The following DHX8 variants were observed in gnomAD, a reference collection of about 807,000 sequenced individuals.
The protein encoded by DHX8 is ATP-dependent RNA helicase DHX8.
Under a neutral mutation model 140.7 loss-of-function variants are expected in DHX8, and 67 were observed. The ratio of observed to expected loss-of-function variants is 0.48; its 90% CI spans 0.39 to 0.58. DHX8 has a LOEUF of 0.58. Ranked by LOEUF, DHX8 falls within the 20% of genes least tolerant of loss-of-function variation. DHX8 has a pLI of 0.00. For synonymous variants in DHX8, 533 were observed against 553.2 expected, an observed-to-expected ratio of 0.96 and a Z score of 0.51; for missense variants, 887 against 1,550.7, an observed-to-expected ratio of 0.57 and a Z score of 7.19.
chr17:43,542,888 C>G (rs567631211), intron 3 of DHX8, among the ~76,000 whole-genome samples: 2 of 152,232 alleles, frequency 1.3e-5, no homozygotes, highest in South Asian at 4.1e-4. Context: ...CCTCCTAATG[C>G]GTCCCACCAC....
At chr17:43,536,405 T>G (rs779373281) in intron 2 of DHX8, 3 of 1,611,374 alleles carry the variant, frequency 1.9e-6, no homozygotes, top group Non-Finnish European at 2.5e-6. Context: ...CTATACCCTC[T>G]CCCCAGGGAC....
At chr17:43,515,546 C>T (rs1970065708) in intron 17 of DHX8, among the ~76,000 whole-genome samples, 1 of 152,204 alleles carries the variant, frequency 6.6e-6, no homozygotes, top group Non-Finnish European at 1.5e-5. Context: ...TGACTTGGTG[C>T]ATTCTCGCAT....
intron 18 of DHX8, chr17:43,517,536 C>A: frequency 1.8e-6 from 1 of 546,482 alleles, no homozygotes; most frequent in Non-Finnish European, 3.2e-6. Flanking sequence ...TTTTTCTTAC[C>A]ATAACAACCA....
At chr17:43,528,401 G>A, downstream of DHX8, 1 of 698,786 alleles carries the variant, frequency 1.4e-6, no homozygotes, top group Non-Finnish European at 2.4e-6. Context: ...TGGTAGGACA[G>A]TGGGGATCTG....
chr17:43,526,690 C>A, downstream of DHX8: 1 of 1,508,748 alleles, frequency 6.6e-7, no homozygotes. Flanking sequence ...CCTCTCTCTT[C>A]GTGTGTGTAC....
chr17:43,528,814 T>A, downstream of DHX8: 1 of 1,247,694 alleles, frequency 8.0e-7, no homozygotes, highest in Non-Finnish European at 1.1e-6. Flanking sequence ...GGTGGGGGAG[T>A]GGGGAATGTG....
chr17:43,486,168 A>G (rs1968132055), intron 1 of DHX8, among the ~76,000 whole-genome samples: 1 of 151,792 alleles, frequency 6.6e-6, no homozygotes, highest in Non-Finnish European at 1.5e-5. Context: ...TCCAGCCTGG[A>G]CGAAAAGAGC....
At chr17:43,535,088 ACT>A (rs1464846811) in intron 2 of DHX8, among the ~76,000 whole-genome samples, 2 of 152,024 alleles carry the variant, frequency 1.3e-5, no homozygotes, top group Admixed American at 6.6e-5. Context: ...GGGTTCCCAA[ACT>A]CTGGCCACGA....
chr17:43,484,195 G>A lies in DHX8; in HGVS notation c.148+10G>A, dbSNP rs1406990728. ...AACGACAAGGACCTTGGTGAGCTCG[G>A]GGAGGTCCCTGGGACCTCAGTTTGG... On this transcript the variant is annotated intron_variant, in intron 1 of 22. Coordinates refer to ENST00000262415, the MANE Select transcript of DHX8 (RefSeq NM_004941.3). 1.2e-6 allele frequency: 2 copies of A among 1,611,976 alleles called. No individual in the cohort carries two copies. Among genetic ancestry groups the A allele is most frequent in the Admixed American group, 1.7e-5 (1 of 59,784 alleles).
downstream of DHX8, chr17:43,529,654 G>A (rs368239692): frequency 4.9e-5 from 79 of 1,612,928 alleles, no homozygotes; most frequent in South Asian, 1.4e-4. Context: ...GAAATGCACC[G>A]ACCCCTTCCT....
At chr17:43,528,498 AG>A (rs1567704103), downstream of DHX8, 2 of 1,522,802 alleles carry the variant, frequency 1.3e-6, no homozygotes, top group East Asian at 2.3e-5. Flanking sequence ...CACCTGCGGC[AG>A]GGGGAACAGC....
rs182480733 is a variant in DHX8 at position 43,535,130 on chromosome 17, C to T, written c.351-1282C>T. On this transcript the variant is annotated intron_variant, in intron 2 of 3. Transcript: ENST00000589898. Reference sequence around the variant, plus strand: ...GAGCAGCAAAGAGTTGGTTCCAAGCCGGTGTGAGATTCAGTTTTAACCGCA... The same window carrying T: ...GAGCAGCAAAGAGTTGGTTCCAAGCTGGTGTGAGATTCAGTTTTAACCGCA... 2.8e-4 allele frequency among the ~76,000 whole-genome samples: 42 copies of T among 152,242 alleles called. No individual in the cohort carries two copies. In the East Asian group the frequency reaches 7.1e-3, roughly 26 times the overall value.
intron 11 of DHX8, among the ~76,000 whole-genome samples, chr17:43,502,132 A>T (rs1032938294): frequency 6.6e-6 from 1 of 152,214 alleles, no homozygotes; most frequent in African/African-American, 2.4e-5. Flanking sequence ...ACTAGAGGAC[A>T]TCTTAGGTTG....
At chr17:43,488,796 T>C (rs1968331376) in intron 1 of DHX8, among the ~76,000 whole-genome samples, 1 of 152,090 alleles carries the variant, frequency 6.6e-6, no homozygotes, top group Non-Finnish European at 1.5e-5. Flanking sequence ...ACCTTTACAG[T>C]CTAGTCTAGG....
At chr17:43,521,739 A>G (rs1387501660) in intron 21 of DHX8, among the ~76,000 whole-genome samples, 174 bp downstream of exon 21, 2 of 152,152 alleles carry the variant, frequency 1.3e-5, no homozygotes, top group Non-Finnish European at 2.9e-5. Context: ...AAGTAAGGGT[A>G]TGCCTGAGAA....
chr17:43,501,134 A>G (rs1969170515), intron 11 of DHX8, among the ~76,000 whole-genome samples: 1 of 152,290 alleles, frequency 6.6e-6, no homozygotes, highest in African/African-American at 2.4e-5. Context: ...ATAATCACCA[A>G]ATAATTAAAT....
chr17:43,532,270 C>T (rs894536342), intron 2 of DHX8, among the ~76,000 whole-genome samples: 4 of 152,242 alleles, frequency 2.6e-5, no homozygotes, highest in Admixed American at 1.3e-4. Flanking sequence ...GAGGCCGAGG[C>T]GATGGATCAT....
rs901625516 is a variant in DHX8 at position 43,493,104 on chromosome 17, G to A, written c.863+64G>A. On this transcript the variant is annotated intron_variant, in intron 6 of 22. Coordinates refer to ENST00000262415, the MANE Select transcript of DHX8 (RefSeq NM_004941.3). Reference sequence around the variant, plus strand: ...CAGAATTTCTTTTATCACTGAGGATGTTCACATTCTAAAAAGTTACTTTGA... The same window carrying A: ...CAGAATTTCTTTTATCACTGAGGATATTCACATTCTAAAAAGTTACTTTGA... 7.1e-6 allele frequency: 11 copies of A among 1,551,560 alleles called. No individual in the cohort carries two copies. In the African/African-American group the frequency reaches 1.4e-4, roughly 19 times the overall value.
At chr17:43,492,016 A>G (rs78465281) in intron 4 of DHX8, among the ~76,000 whole-genome samples, 167 bp from the exon 5 acceptor site, 2,632 of 152,324 alleles carry the variant, frequency 0.017, 79 homozygotes, top group African/African-American at 0.059. Flanking sequence ...GTAATTCTCA[A>G]GAGCCTTTTT....
Sources: gnomAD v4.1 joint callset for allele counts (sites outside exome capture counted in the v4.1 genomes callset) on GRCh38, gnomAD v4.1.1 for gene constraint, MANE v1.5 for transcripts, NCBI Gene and HGNC (gene_info 2026-07-23, HGNC 2026-07-21) for gene names.